HMCN2: variants seen among roughly 807,000 people sequenced by gnomAD.
The protein encoded by HMCN2 is hemicentin-2.
A neutral mutation model predicts 377.5 loss-of-function variants in HMCN2; 325 were observed. The observed-to-expected ratio is 0.86, with a 90% CI of 0.79 to 0.94. The LOEUF is 0.94. Ranked by LOEUF, HMCN2 falls within the 40% of genes least tolerant of loss-of-function variation. HMCN2 has a pLI of 0.00. For synonymous variants in HMCN2, 2,007 were observed against 2,046.8 expected (o/e 0.98, Z 0.53); for missense variants, 4,543 against 4,725.3 (o/e 0.96, Z 1.13).
At chr9:130,325,342 C>T (rs1286361859) in intron 19 of HMCN2, among the ~76,000 whole-genome samples, 3 of 151,928 alleles carry the variant, frequency 2.0e-5, no homozygotes, top group African/African-American at 4.8e-5. Context: ...GTGATTCTCC[C>T]GCCTCAGCCT....
chr9:130,337,399 G>T (rs2131461991), intron 22 of HMCN2, among the ~76,000 whole-genome samples: 1 of 152,254 alleles, frequency 6.6e-6, no homozygotes, highest in East Asian at 1.9e-4. Flanking sequence ...CCTCAGGGCT[G>T]CCAGCTTCTT....
intron 86 of HMCN2, among the ~76,000 whole-genome samples, chr9:130,420,726 A>G (rs927025795): frequency 6.6e-6 from 1 of 151,938 alleles, no homozygotes; most frequent in Non-Finnish European, 1.5e-5. Flanking sequence ...ACACTTCCCT[A>G]TTTATAAGGA....
rs147615110 is a variant in HMCN2 at position 130,401,307 on chromosome 9, T to A, written c.11770+360T>A. On this transcript the variant is annotated intron_variant, in intron 77 of 97. Coordinates refer to ENST00000683500, the MANE Select transcript of HMCN2 (RefSeq NM_001291815.2). ...TGGTGTTGAAACTTCCTTTTCTTGA[T>A]GATATTAAGATAATAGTACATGGTG... 3.4e-3 allele frequency among the ~76,000 whole-genome samples: 516 copies of A among 152,354 alleles called. 10 individuals carry two copies. Among genetic ancestry groups the A allele is most frequent in the Admixed American group, 0.03 (465 of 15,310 alleles).
At chr9:130,316,404 A>G (rs1409477254) in intron 15 of HMCN2, among the ~76,000 whole-genome samples, 1 of 140,796 alleles carries the variant, frequency 7.1e-6, no homozygotes, top group African/African-American at 2.7e-5. Flanking sequence ...GAAGTCCCAG[A>G]TGTGTGGGTG....
chr9:130,365,752 G>C (rs1840658493), intron 42 of HMCN2, 25 bp downstream of exon 42: 2 of 983,596 alleles, frequency 2.0e-6, no homozygotes, highest in Admixed American at 6.1e-5. Context: ...GGCTGGGCAG[G>C]GGGAGGGGGC....
chr9:130,282,164 G>A (rs1835156328), intron 1 of HMCN2, among the ~76,000 whole-genome samples: 1 of 152,222 alleles, frequency 6.6e-6, no homozygotes, highest in Non-Finnish European at 1.5e-5. Context: ...ACTGCACTGT[G>A]TGAGAACACC....
intron 8 of HMCN2, among the ~76,000 whole-genome samples, chr9:130,299,820 G>C (rs1218955867): frequency 1.2e-5 from 1 of 84,738 alleles, no homozygotes; most frequent in African/African-American, 4.8e-5. Context: ...TGCATGCATT[G>C]ACTCACCTAT....
In HMCN2 at chr9:130,382,876, G is replaced by A. The variant is rs1013904853; in HGVS notation, c.8733+10G>A. 2.0e-6 allele frequency: 2 copies of A among 985,688 alleles called. No homozygotes were observed. Among genetic ancestry groups the A allele is most frequent in the African/African-American group, 3.5e-5 (2 of 57,366 alleles). The allele number at this position is 985,688 out of a possible 1,614,324, so 61.1% of individuals were successfully genotyped here. A position where few individuals can be genotyped will look rare whatever the true frequency, so the allele number is the denominator to read the frequency against. On this transcript the variant is annotated intron_variant, in intron 56 of 97. Transcript: ENST00000683500. ...CGGGCAAGTCTTGCAGGTCAGGGCA[G>A]CCCCCTGCACGGGCTAGGGGCAGTG...
At chr9:130,352,343 C>T (rs1839773977) in intron 30 of HMCN2, among the ~76,000 whole-genome samples, 3 of 152,220 alleles carry the variant, frequency 2.0e-5, no homozygotes, top group African/African-American at 7.2e-5. Flanking sequence ...CCGCAGAGGG[C>T]ACCCAGCCTG....
At chr9:130,271,288 T>C (rs1172989372) in intron 1 of HMCN2, among the ~76,000 whole-genome samples, 4 of 148,864 alleles carry the variant, frequency 2.7e-5, no homozygotes, top group African/African-American at 9.7e-5. Context: ...ACTTACTGTG[T>C]GCAGCCCACG....
At chr9:130,312,539 C>CCCTCCCTTCTTTCTTTCTTT (rs1554939344) in intron 15 of HMCN2, among the ~76,000 whole-genome samples, 1 of 6,620 alleles carries the variant, frequency 1.5e-4, no homozygotes, top group Non-Finnish European at 3.8e-4. Context: ...CTCCCTCCCT[C>CCCTCCCTTCTTTCTTTCTTT]CTTTCTTTCT....
chr9:130,366,950 G>A (rs1212757536), intron 43 of HMCN2, among the ~76,000 whole-genome samples: 1 of 152,180 alleles, frequency 6.6e-6, no homozygotes, highest in Non-Finnish European at 1.5e-5. Flanking sequence ...GATGTTCTGG[G>A]GGGTTGTAGG....
chr9:130,422,398 G>A lies in HMCN2; in HGVS notation c.13232-179G>A, dbSNP rs942683044. 4.6e-5 allele frequency among the ~76,000 whole-genome samples: 7 copies of A among 152,186 alleles called. No individual in the cohort carries two copies. The highest frequency in any genetic ancestry group is 1.4e-4 in the African/African-American group (6 of 41,454). The stretch of plus-strand genomic sequence containing the variant: ...TCCTAACAGCCTCCCTTCCCTTTTA[G>A]AGCCAAGATCCCCTGGGCGTTGAGT... On this transcript the variant is annotated intron_variant, in intron 86 of 97. Coordinates refer to ENST00000683500, the MANE Select transcript of HMCN2 (RefSeq NM_001291815.2). This position sits in a 1 kb window ranked among gnomAD's most constrained non-coding sequence, Gnocchi z 4.2.
At chr9:130,287,507 T>C (rs1317424) in intron 4 of HMCN2, among the ~76,000 whole-genome samples, 112,166 of 144,390 alleles carry the variant, frequency 0.78, 43,592 homozygotes, top group East Asian at 0.9. Flanking sequence ...GCCAAGATCG[T>C]GCCATTGCAC....
chr9:130,396,426 T>C, intron 73 of HMCN2, 113 bp downstream of exon 73: 1 of 884,830 alleles, frequency 1.1e-6, no homozygotes, highest in African/African-American at 1.8e-5. Flanking sequence ...CATCAGGACG[T>C]GGGGTGTCTC....
chr9:130,343,694 G>A (rs1018377772), intron 25 of HMCN2, among the ~76,000 whole-genome samples: 14 of 152,246 alleles, frequency 9.2e-5, no homozygotes, highest in Non-Finnish European at 1.6e-4. Context: ...GTCAGTCAGG[G>A]ACCAGTCCTG....
chr9:130,379,138 T>C, intron 53 of HMCN2, 111 bp from the exon 54 acceptor site: 3 of 229,342 alleles, frequency 1.3e-5, no homozygotes, highest in Non-Finnish European at 2.2e-5. Flanking sequence ...AGGGAATGGC[T>C]CAAGTAATGG....
intron 7 of HMCN2, among the ~76,000 whole-genome samples, chr9:130,298,108 C>T (rs149161050): frequency 2.4e-3 from 358 of 152,284 alleles, no homozygotes; most frequent in African/African-American, 8.3e-3. Context: ...GTGCGCGCTA[C>T]ACACCTGGCT....
At chr9:130,355,891 G>A (rs1343992366) in intron 33 of HMCN2, 37 bp downstream of exon 33, 1 of 1,191,176 alleles carries the variant, frequency 8.4e-7, no homozygotes, top group Non-Finnish European at 1.1e-6. Context: ...GCTGGGGGTA[G>A]GCAGAGAGCG....
Sources: gnomAD v4.1 joint callset for allele counts (sites outside exome capture counted in the v4.1 genomes callset) on GRCh38, gnomAD v4.1.1 for gene constraint, Gnocchi (gnomAD v3.1) non-coding constraint, MANE v1.5 for transcripts, NCBI Gene and HGNC (gene_info 2026-07-23, HGNC 2026-07-21) for gene names.